SPAG16: variants seen among roughly 807,000 people sequenced by gnomAD.
SPAG16 encodes the protein sperm-associated antigen 16 protein.
Under a neutral mutation model 80.4 loss-of-function variants are expected in SPAG16, and 86 were observed. That is an observed-to-expected ratio of 1.07 (90% CI 0.90 to 1.28). The LOEUF (loss-of-function observed/expected upper bound fraction) is 1.28, where lower values mean the gene tolerates loss of function less well. SPAG16 is among the 50% of genes most tolerant of loss of function. The pLI, the probability that SPAG16 is intolerant of heterozygous loss-of-function variation, is 0.00. For missense variants in SPAG16, 870 were observed against 765.3 expected (o/e 1.14, Z -1.61); for synonymous variants, 294 against 265.9 (o/e 1.11, Z -1.03).
chr2:214,203,246 A>G (rs759307836), intron 15 of SPAG16, among the ~76,000 whole-genome samples: 10 of 152,116 alleles, frequency 6.6e-5, no homozygotes, highest in Non-Finnish European at 1.3e-4. Context: ...GTTTTATTTT[A>G]TTTTCTGGTT....
At chr2:213,680,058 G>A (rs1016083593) in intron 10 of SPAG16, among the ~76,000 whole-genome samples, 3 of 151,888 alleles carry the variant, frequency 2.0e-5, no homozygotes, top group East Asian at 1.9e-4. Flanking sequence ...CACCACCGTG[G>A]GCCACATGAA....
At position 213,940,318 on chromosome 2, in the gene SPAG16, A is replaced by T. The variant is rs75750835; in HGVS notation, c.1400+10173A>T. Among the ~76,000 whole-genome samples, 246 of 152,286 alleles carry T rather than the reference A, an allele frequency of 1.6e-3. 1 individual carries two copies. The highest frequency in any genetic ancestry group is 5.7e-3 in the African/African-American group (236 of 41,562). On this transcript the variant is annotated intron_variant, in intron 12 of 15. Coordinates refer to ENST00000331683, the MANE Select transcript of SPAG16 (RefSeq NM_024532.5). ...TTTAAAAAGTTTTTTTAGAGATGAC[A>T]TCTTGCTGTGTTGCCTGGGCTGGAG...
intron 9 of SPAG16, among the ~76,000 whole-genome samples, chr2:213,435,677 A>G (rs1454196537): frequency 1.3e-5 from 2 of 152,210 alleles, no homozygotes; most frequent in Admixed American, 6.5e-5. Context: ...GGAGCTCAAT[A>G]TAATTTAGTT....
chr2:213,860,457 A>ATC (rs1253442960), intron 10 of SPAG16, among the ~76,000 whole-genome samples: 4,090 of 126,308 alleles, frequency 0.032, 97 homozygotes, highest in South Asian at 0.072. Context: ...ATGTATATAT[A>ATC]TACAGATATA....
intron 9 of SPAG16, among the ~76,000 whole-genome samples, chr2:213,442,711 A>G (rs541385177): frequency 6.6e-6 from 1 of 152,170 alleles, no homozygotes; most frequent in African/African-American, 2.4e-5. Context: ...ACAATTGGAC[A>G]CTCGTAAAAA....
chr2:213,802,028 C>T (rs1259158699), intron 10 of SPAG16, among the ~76,000 whole-genome samples: 1 of 152,162 alleles, frequency 6.6e-6, no homozygotes, highest in African/African-American at 2.4e-5. Flanking sequence ...TTTCAGGTCA[C>T]CATCACACAA....
chr2:214,019,458 C>G (rs2047748437), intron 13 of SPAG16, among the ~76,000 whole-genome samples: 1 of 152,118 alleles, frequency 6.6e-6, no homozygotes. Context: ...CTTTAGTGGC[C>G]ATTCCTTGCT....
chr2:213,372,790 GGAAGTTAGGGAGTGGCAT>G (rs1029267730), intron 8 of SPAG16, among the ~76,000 whole-genome samples: 5 of 152,046 alleles, frequency 3.3e-5, no homozygotes, highest in Admixed American at 1.3e-4. Context: ...TGGTCTATAA[GGAAGTTAGGGAGTGGCAT>G]GAAGTTAGGG....
At chr2:214,114,628 T>A (rs962002705) in intron 14 of SPAG16, among the ~76,000 whole-genome samples, 1 of 152,152 alleles carries the variant, frequency 6.6e-6, no homozygotes, top group African/African-American at 2.4e-5. Context: ...CAGGAGAGAA[T>A]CTCCTTGTCT....
chr2:213,960,845 A>T (rs1448710164), intron 12 of SPAG16, among the ~76,000 whole-genome samples: 2 of 152,202 alleles, frequency 1.3e-5, no homozygotes, highest in Non-Finnish European at 2.9e-5. Flanking sequence ...AGCGCTTGCA[A>T]TAATGCGGGA....
At chr2:213,633,034 G>A (rs1239847716) in intron 10 of SPAG16, among the ~76,000 whole-genome samples, 1 of 152,108 alleles carries the variant, frequency 6.6e-6, no homozygotes, top group Admixed American at 6.6e-5. Flanking sequence ...AATATTTTGA[G>A]TAGGATTGGT....
chr2:214,400,316 GATAGTTGGCCCC>G (rs1701636581), intron 15 of SPAG16, among the ~76,000 whole-genome samples: 1 of 151,900 alleles, frequency 6.6e-6, no homozygotes, highest in South Asian at 2.1e-4. Context: ...AGAAAAAGAT[GATAGTTGGCCCC>G]ATGTAGCTGC....
At chr2:213,654,413 T>A (rs1408606289) in intron 10 of SPAG16, among the ~76,000 whole-genome samples, 1 of 151,886 alleles carries the variant, frequency 6.6e-6, no homozygotes, top group Non-Finnish European at 1.5e-5. Flanking sequence ...AGTTGCAATG[T>A]GGCTGGGTGC....
rs76694250 is a variant in SPAG16, at chr2:214,215,331, C to T, written c.1720+66065C>T. On this transcript the variant is annotated intron_variant, in intron 15 of 15. Coordinates refer to ENST00000331683, the MANE Select transcript of SPAG16 (RefSeq NM_024532.5). The stretch of plus-strand genomic sequence containing the variant: ...GCTCACCTCCAGGTGAGCCAGCATT[C>T]AGCTCCTCCCAAGAATAGAATAGAC... Among the ~76,000 whole-genome samples the T allele has an allele frequency of 2.7e-3, 411 of 152,180 alleles. 3 individuals are homozygous for T. Among genetic ancestry groups the T allele is most frequent in the African/African-American group, 9.5e-3 (394 of 41,536 alleles).
At chr2:213,339,686 A>T (rs1018931567) in intron 5 of SPAG16, among the ~76,000 whole-genome samples, 1 of 152,186 alleles carries the variant, frequency 6.6e-6, no homozygotes, top group Non-Finnish European at 1.5e-5. Flanking sequence ...TTGGTTTTCT[A>T]GAATTTATAT....
chr2:214,058,360 G>C (rs1441460795), intron 13 of SPAG16, among the ~76,000 whole-genome samples: 1 of 152,154 alleles, frequency 6.6e-6, no homozygotes, highest in Non-Finnish European at 1.5e-5. Context: ...GGAGAGGGAA[G>C]AGAGATGGGG....
chr2:213,653,470 T>G (rs1327493796), intron 10 of SPAG16, among the ~76,000 whole-genome samples: 1 of 152,198 alleles, frequency 6.6e-6, no homozygotes, highest in Non-Finnish European at 1.5e-5. Context: ...GTAAATACCT[T>G]TGAAGATATC....
At chr2:213,755,402 T>C (rs2068277267) in intron 10 of SPAG16, among the ~76,000 whole-genome samples, 1 of 152,190 alleles carries the variant, frequency 6.6e-6, no homozygotes, top group South Asian at 2.1e-4. Flanking sequence ...AAAACATTGT[T>C]TATTAAAAAA....
intron 10 of SPAG16, among the ~76,000 whole-genome samples, chr2:213,596,270 G>GA (rs1284502040): frequency 1.3e-5 from 2 of 152,020 alleles, no homozygotes; most frequent in Non-Finnish European, 2.9e-5. Context: ...TTTGAACTTT[G>GA]AAAAAATATG....
Sources: allele counts gnomAD v4.1 joint callset (sites outside exome capture counted in the v4.1 genomes callset), GRCh38; gene constraint gnomAD v4.1.1; transcripts MANE v1.5; gene names NCBI Gene and HGNC (gene_info 2026-07-23, HGNC 2026-07-21).